The following IQGAP2 variants were observed in gnomAD, a reference collection of about 807,000 sequenced individuals.
IQGAP2 encodes the protein IQ motif containing GTPase activating protein 2, also known as ras GTPase-activating-like protein IQGAP2.
In IQGAP2, 173 loss-of-function variants were observed where a neutral mutation model predicts 201.3. That is an observed-to-expected ratio of 0.86 (90% confidence interval 0.76 to 0.98). The LOEUF is 0.98. Ranked by LOEUF, IQGAP2 falls within the 50% of genes least tolerant of loss-of-function variation. The pLI is 0.00. For synonymous variants in IQGAP2, 675 were observed against 673.9 expected (o/e 1.00, Z -0.03); for missense variants, 1,687 against 1,864.8 (o/e 0.90, Z 1.76).
At chr5:76,514,706 A>C (rs773912284) in intron 2 of IQGAP2, among the ~76,000 whole-genome samples, 1 of 152,166 alleles carries the variant, frequency 6.6e-6, no homozygotes, top group Non-Finnish European at 1.5e-5. Flanking sequence ...TAGCTTGTTG[A>C]CATTTGTTCA....
At chr5:76,438,039 T>G (rs10942775) in intron 1 of IQGAP2, among the ~76,000 whole-genome samples, 4 of 51,102 alleles carry the variant, frequency 7.8e-5, no homozygotes, top group East Asian at 9.2e-4. Flanking sequence ...TTGTTTGTTT[T>G]TTTTTTTGTT....
Position 76,524,550 on chromosome 5 carries a change from A to G in IQGAP2, c.147-37846A>G, listed in dbSNP as rs141896296. 5.5e-3 allele frequency among the ~76,000 whole-genome samples: 834 copies of G among 152,298 alleles called. 11 individuals carry two copies. Among genetic ancestry groups the G allele is most frequent in the African/African-American group, 0.019 (803 of 41,558 alleles). On this transcript the variant is annotated intron_variant, in intron 2 of 35. Coordinates refer to ENST00000274364, the MANE Select transcript of IQGAP2 (RefSeq NM_006633.5). ...GTTCAAGCCACATGTCTAGGCATAA[A>G]TGGGGAGGCCATGATTTCTCACTGC...
intron 2 of IQGAP2, among the ~76,000 whole-genome samples, chr5:76,513,584 T>C (rs1272984097): frequency 2.0e-5 from 3 of 152,222 alleles, no homozygotes; most frequent in African/African-American, 7.2e-5. Flanking sequence ...GTGGAAGCTA[T>C]TGGGCCATCC....
In IQGAP2 at chr5:76,592,959, T is replaced by A. The variant is rs747209273; in HGVS notation, c.907+34T>A. On this transcript the variant is annotated intron_variant, in intron 9 of 35. Transcript: ENST00000274364. The stretch of plus-strand genomic sequence containing the variant: ...TGGATCGTATGAAGGAAATTGATAT[T>A]TCCGTAAGATACAGACTTTCCTTGC... 17 of 1,381,540 alleles carry A rather than the reference T, an allele frequency of 1.2e-5. No homozygotes were observed. In the Middle Eastern group the frequency reaches 2.3e-3, roughly 189 times the overall value. 85.6% of individuals were successfully genotyped at this position (1,381,540 alleles called of 1,614,324 possible). A position where few individuals can be genotyped will look rare whatever the true frequency, so the allele number is the denominator to read the frequency against.
intron 2 of IQGAP2, among the ~76,000 whole-genome samples, chr5:76,522,541 T>C (rs1329838223): frequency 6.6e-6 from 1 of 152,222 alleles, no homozygotes; most frequent in African/African-American, 2.4e-5. Context: ...AAATGTACGA[T>C]GTTTATATTT....
intron 9 of IQGAP2, 31 bp from the exon 10 acceptor site, chr5:76,597,408 A>G: frequency 6.2e-7 from 1 of 1,611,756 alleles, no homozygotes; most frequent in Non-Finnish European, 8.5e-7. Flanking sequence ...AAGAGCAACC[A>G]TTCTGACAAA....
intron 2 of IQGAP2, among the ~76,000 whole-genome samples, chr5:76,544,758 A>C (rs1480109289): frequency 3.3e-5 from 5 of 152,194 alleles, no homozygotes; most frequent in Admixed American, 2.0e-4. Context: ...AGTGAAAATT[A>C]TATCTTTCTC....
At chr5:76,404,178 C>T (rs1272679277) in intron 1 of IQGAP2, among the ~76,000 whole-genome samples, 1 of 152,156 alleles carries the variant, frequency 6.6e-6, no homozygotes, top group African/African-American at 2.4e-5. Context: ...CCCCCAACCC[C>T]TTTCCCCCCC....
At chr5:76,408,665 G>T (rs1750927454) in intron 1 of IQGAP2, among the ~76,000 whole-genome samples, 1 of 152,126 alleles carries the variant, frequency 6.6e-6, no homozygotes, top group Non-Finnish European at 1.5e-5. Context: ...GGAGGCTGAG[G>T]CAGGAGGATC....
At chr5:76,514,011 CTTTTTTTTT>C (rs70982619) in intron 2 of IQGAP2, among the ~76,000 whole-genome samples, 1 of 65,084 alleles carries the variant, frequency 1.5e-5, no homozygotes, top group South Asian at 9.0e-4. Context: ...TATTTGTTGC[CTTTTTTTTT>C]TTTTTTTTTT....
Position 76,590,492 on chromosome 5 carries a change from C to T in IQGAP2, c.725C>T (p.Ala242Val), listed in dbSNP as rs572815114. ...QTVVTLRNPN[A>V]VLTLVDDNLA... ...GTTGTAACACTAAGAAACCCAAATGCGGTTTTAACTTTAGTGGATGACAAC... is the reference window on the plus strand; with the variant it reads ...GTTGTAACACTAAGAAACCCAAATGTGGTTTTAACTTTAGTGGATGACAAC... Residue 242 changes from alanine (A) to valine (V), a missense_variant, in exon 8 of 36, where the codon GCG (alanine) becomes GTG (valine). Ala to Val is a moderately conservative substitution (Grantham distance 64). Coordinates refer to ENST00000274364, the MANE Select transcript of IQGAP2 (RefSeq NM_006633.5). 60 of 1,613,616 alleles carry T rather than the reference C, an allele frequency of 3.7e-5. No homozygotes were observed. The highest frequency in any genetic ancestry group is 4.7e-5 in the Non-Finnish European group (55 of 1,179,696).
chr5:76,500,637 G>A (rs1329788546), intron 2 of IQGAP2, among the ~76,000 whole-genome samples: 3 of 152,124 alleles, frequency 2.0e-5, no homozygotes, highest in African/African-American at 7.2e-5. Context: ...AGCCCCTTTT[G>A]TGCCTGGCTC....
chr5:76,666,157 A>T (rs1743738189), intron 22 of IQGAP2, among the ~76,000 whole-genome samples: 1 of 152,228 alleles, frequency 6.6e-6, no homozygotes, highest in Non-Finnish European at 1.5e-5. Context: ...GGAATAAGAG[A>T]TTGGAGAACA....
At chr5:76,679,664 C>G (rs1442747398) in intron 28 of IQGAP2, among the ~76,000 whole-genome samples, 1 of 152,210 alleles carries the variant, frequency 6.6e-6, no homozygotes, top group African/African-American at 2.4e-5. Flanking sequence ...GTTGCCCTGG[C>G]TCATCAGAGA....
At chr5:76,619,205 G>C (rs377189441) in intron 13 of IQGAP2, among the ~76,000 whole-genome samples, 2 of 152,216 alleles carry the variant, frequency 1.3e-5, no homozygotes, top group Non-Finnish European at 2.9e-5. Context: ...CTATCTGTAA[G>C]TAATGCTACT....
At chr5:76,435,124 T>A (rs914287707) in intron 1 of IQGAP2, among the ~76,000 whole-genome samples, 8 of 152,044 alleles carry the variant, frequency 5.3e-5, no homozygotes, top group African/African-American at 1.9e-4. Flanking sequence ...GTATGCATAG[T>A]TTGCAAATAT....
chr5:76,689,991 G>C (rs928609494), intron 30 of IQGAP2, among the ~76,000 whole-genome samples: 1 of 152,142 alleles, frequency 6.6e-6, no homozygotes, highest in African/African-American at 2.4e-5. Context: ...GCACAGCTAT[G>C]ATGAATAAAC....
intron 2 of IQGAP2, among the ~76,000 whole-genome samples, chr5:76,486,647 T>TA (rs200058083): frequency 1.8e-3 from 258 of 142,540 alleles, no homozygotes; most frequent in Non-Finnish European, 3.3e-3. Context: ...ATTTTTTTTT[T>TA]AAAAAAGGAT....
At chr5:76,497,017 A>G (rs759408155) in intron 2 of IQGAP2, among the ~76,000 whole-genome samples, 1 of 151,900 alleles carries the variant, frequency 6.6e-6, no homozygotes, top group Non-Finnish European at 1.5e-5. Context: ...TTTAGTAGAG[A>G]CAGGGTTTTA....
Sources: gnomAD v4.1 joint callset for allele counts (sites outside exome capture counted in the v4.1 genomes callset) on GRCh38, gnomAD v4.1.1 for gene constraint, MANE v1.5 for transcripts, NCBI Gene and HGNC (gene_info 2026-07-23, HGNC 2026-07-21) for gene names.